Variants in FAM83B observed in about 807,000 individuals in gnomAD.
FAM83B encodes the protein protein FAM83B.
In FAM83B, 26 loss-of-function variants were observed where a neutral mutation model predicts 38.8. The observed-to-expected ratio is 0.67, with a 90% CI of 0.49 to 0.93. The LOEUF (loss-of-function observed/expected upper bound fraction) is 0.93. Ranked by LOEUF, FAM83B falls within the 40% of genes least tolerant of loss-of-function variation. The probability of loss-of-function intolerance (pLI) is 0.00; values close to 1 mark genes in which losing one functional copy is unlikely to be tolerated. For missense variants in FAM83B, 1,237 were observed against 1,197.3 expected (o/e 1.03, Z -0.49); for synonymous variants, 419 against 423.1 (o/e 0.99, Z 0.12).
chr6:54,915,886 C>A (rs1773026470), intron 2 of FAM83B, among the ~76,000 whole-genome samples: 2 of 148,426 alleles, frequency 1.3e-5, no homozygotes, highest in South Asian at 4.3e-4. Context: ...CGTTAATTTT[C>A]TCAGGTATTG....
At chr6:54,856,590 T>A (rs1771452150) in intron 1 of FAM83B, among the ~76,000 whole-genome samples, 1 of 152,206 alleles carries the variant, frequency 6.6e-6, no homozygotes, top group Non-Finnish European at 1.5e-5. Flanking sequence ...TTTCTTTATT[T>A]ATCTCTTATT....
At chr6:54,847,970 C>T (rs1008503170) in intron 1 of FAM83B, among the ~76,000 whole-genome samples, 4 of 152,114 alleles carry the variant, frequency 2.6e-5, no homozygotes, top group African/African-American at 7.2e-5. Context: ...CTTTCCCTTT[C>T]TCATCCTAAC....
chr6:54,940,685 C>T lies in FAM83B; in HGVS notation c.1714C>T (p.Gln572Ter). 6.2e-7 allele frequency: 1 copy of T among 1,614,000 alleles called. No homozygotes were observed. Among genetic ancestry groups the T allele is most frequent in the Non-Finnish European group, 8.5e-7 (1 of 1,180,004 alleles). Residue 572 changes from glutamine to a stop codon, truncating the protein, a stop_gained, in exon 5 of 5, where the codon CAG becomes TAG. Transcript: ENST00000306858. LOFTEE classifies it low-confidence loss of function (END_TRUNC). ...CTCAAATTCAACTATCATTGGTTCT[C>T]AGGGAAGTGAGACACCTAAAGAGGT... ...GSSNSTIIGS[Q>*]GSETPKEVPD...
intron 2 of FAM83B, among the ~76,000 whole-genome samples, chr6:54,901,138 C>G (rs1326563815): frequency 6.6e-6 from 1 of 152,072 alleles, no homozygotes; most frequent in Non-Finnish European, 1.5e-5. Flanking sequence ...AACAAGAAAG[C>G]CTGAAGGTTA....
intron 2 of FAM83B, among the ~76,000 whole-genome samples, chr6:54,880,061 A>G (rs1474334029): frequency 6.6e-6 from 1 of 152,226 alleles, no homozygotes; most frequent in African/African-American, 2.4e-5. Flanking sequence ...GTACAAAAAA[A>G]GTTTTAACAA....
At chr6:54,924,998 G>A (rs79370669) in intron 2 of FAM83B, among the ~76,000 whole-genome samples, 4,586 of 152,168 alleles carry the variant, frequency 0.03, 234 homozygotes, top group African/African-American at 0.1. Flanking sequence ...CAGAAAAAAA[G>A]ATACTGAAGG....
At chr6:54,907,644 A>G (rs1772804510) in intron 2 of FAM83B, among the ~76,000 whole-genome samples, 1 of 150,198 alleles carries the variant, frequency 6.7e-6, no homozygotes, top group Non-Finnish European at 1.5e-5. Flanking sequence ...TTTTTAAAAA[A>G]CAGTGTCATA....
At position 54,941,372 on chromosome 6, in the gene FAM83B, T is replaced by G; in HGVS notation, c.2401T>G (p.Cys801Gly). ...TAAAGCACCTGCCTTTTATAGATTG[T>G]GTAGTAGCTCTGACACATTAGTTTC... The part of the protein sequence containing the change: ...KNKAPAFYRL[C>G]SSSDTLVSEG... The change falls in exon 5 of 5, where the codon TGT becomes GGT. Residue 801 changes from cysteine (C) to glycine (G), a missense_variant. By Grantham distance (159) the Cys-to-Gly change is radical. Transcript: ENST00000306858. 1 of 1,613,656 alleles carries G rather than the reference T, an allele frequency of 6.2e-7. No homozygotes were observed. Among genetic ancestry groups the G allele is most frequent in the African/African-American group, 1.3e-5 (1 of 75,016 alleles).
At chr6:54,864,929 G>C (rs1404194415) in intron 1 of FAM83B, among the ~76,000 whole-genome samples, 1 of 152,086 alleles carries the variant, frequency 6.6e-6, no homozygotes, top group Non-Finnish European at 1.5e-5. Context: ...AGTTTGCAAA[G>C]TATTTCTTAA....
At chr6:54,895,728 A>G (rs1042299752) in intron 2 of FAM83B, among the ~76,000 whole-genome samples, 1 of 152,012 alleles carries the variant, frequency 6.6e-6, no homozygotes, top group Non-Finnish European at 1.5e-5. Flanking sequence ...AGTAACCAGT[A>G]ACATGGCATA....
At position 54,941,095 on chromosome 6, in the gene FAM83B, A is replaced by G. The variant is rs745996933; in HGVS notation, c.2124A>G (p.Lys708=). 3.9e-5 allele frequency: 63 copies of G among 1,613,100 alleles called. No homozygotes were observed. The Middle Eastern group carries it at 4.9e-4, about 13-fold the overall frequency. ...AAGAAGATTTGCTGAAAAGTTCTAA[A>G]AGCATGCACAATGTGACTCATAACT... ...KPKEDLLKSS[K]SMHNVTHNLE... The change falls in exon 5 of 5, where the codon AAA becomes AAG. Residue 708 remains lysine (K), a synonymous_variant. Transcript: ENST00000306858.
intron 1 of FAM83B, among the ~76,000 whole-genome samples, chr6:54,864,523 T>TATTGGGCC (rs1333295444): frequency 2.6e-5 from 4 of 152,210 alleles, no homozygotes; most frequent in Non-Finnish European, 4.4e-5. Context: ...TAATCTGTGC[T>TATTGGGCC]ATTGGGCCAT....
At chr6:54,892,460 C>T (rs1561916359) in intron 2 of FAM83B, among the ~76,000 whole-genome samples, 1 of 151,872 alleles carries the variant, frequency 6.6e-6, no homozygotes, top group Non-Finnish European at 1.5e-5. Flanking sequence ...GTCTGTTGTT[C>T]CTCTCTATAT....
rs2127592039 is a variant in FAM83B at position 54,941,515 on chromosome 6, T to C, written c.2544T>C (p.Asp848=). Residue 848 remains aspartate, a synonymous_variant, in exon 5 of 5, where the codon GAT becomes GAC. Transcript: ENST00000306858. ...GCAGCATCCACAAGAGTAAGGAAGA[T>C]GTAACAGTTAGCCCATCTCAAGAGA... is the stretch of plus-strand genomic sequence containing the variant. ...SQGSIHKSKE[D]VTVSPSQEIN... is the part of the protein sequence containing the mutation. 1.2e-6 allele frequency: 2 copies of C among 1,614,060 alleles called. No individual in the cohort carries two copies. Among genetic ancestry groups the C allele is most frequent in the Non-Finnish European group, 1.7e-6 (2 of 1,180,002 alleles).
chr6:54,872,612 C>G (rs1301578750), intron 2 of FAM83B, among the ~76,000 whole-genome samples: 8 of 152,142 alleles, frequency 5.3e-5, no homozygotes, highest in African/African-American at 1.7e-4. Context: ...CAGGAGATAT[C>G]ATAAGTTTTT....
At chr6:54,929,678 T>A (rs1773380101) in intron 4 of FAM83B, among the ~76,000 whole-genome samples, 1 of 152,132 alleles carries the variant, frequency 6.6e-6, no homozygotes, top group Non-Finnish European at 1.5e-5. Flanking sequence ...ATAAAAATCA[T>A]CACAGTTGAG....
At chr6:54,915,375 C>T (rs1321492620) in intron 2 of FAM83B, among the ~76,000 whole-genome samples, 2 of 152,174 alleles carry the variant, frequency 1.3e-5, no homozygotes, top group Non-Finnish European at 2.9e-5. Context: ...CCGTTAGAAG[C>T]AATTAGCCAA....
chr6:54,940,408 A>G lies in FAM83B; in HGVS notation c.1437A>G (p.Gln479=). ...GTDNHIRFLQ[Q]RMPTLEHTTK... ...ATAACCATATCCGCTTTTTGCAACA[A>G]CGAATGCCAACCCTTGAACATACCA... Residue 479 remains glutamine, a synonymous_variant, in exon 5 of 5, where the codon CAA becomes CAG. Transcript: ENST00000306858. The G allele has an allele frequency of 6.2e-7, 1 of 1,614,066 alleles. No individual in the cohort carries two copies. Among genetic ancestry groups the G allele is most frequent in the Non-Finnish European group, 8.5e-7 (1 of 1,180,006 alleles).
At chr6:54,925,317 A>G (rs983423342) in intron 2 of FAM83B, among the ~76,000 whole-genome samples, 2 of 152,086 alleles carry the variant, frequency 1.3e-5, no homozygotes, top group African/African-American at 4.8e-5. Flanking sequence ...TATTATCTTT[A>G]TTACTTATTA....
Sources: allele counts gnomAD v4.1 joint callset (sites outside exome capture counted in the v4.1 genomes callset), GRCh38; gene constraint gnomAD v4.1.1; transcripts MANE v1.5; gene names NCBI Gene and HGNC (gene_info 2026-07-23, HGNC 2026-07-21).